Variants in CADM1 observed in about 807,000 individuals in gnomAD.
CADM1 encodes the protein cell adhesion molecule 1, also known as TSLC-1.
Under a neutral mutation model 53.1 loss-of-function variants are expected in CADM1, and 15 were observed. The ratio of observed to expected loss-of-function variants is 0.28; its 90% CI spans 0.19 to 0.44. The LOEUF is 0.44. Among genes scored for constraint, CADM1 ranks in the 20% least tolerant of loss-of-function variants. The pLI is 1.00. For synonymous variants in CADM1, 281 were observed against 243.0 expected (o/e 1.16, Z -1.45); for missense variants, 434 against 611.3 (o/e 0.71, Z 3.06).
At chr11:115,382,654 T>A (rs991273729) in intron 1 of CADM1, among the ~76,000 whole-genome samples, 1 of 152,154 alleles carries the variant, frequency 6.6e-6, no homozygotes, top group Non-Finnish European at 1.5e-5. Context: ...CTTTGAATTA[T>A]CCAGGAAATC....
intron 1 of CADM1, among the ~76,000 whole-genome samples, chr11:115,348,660 C>T (rs1945646705): frequency 6.6e-6 from 1 of 152,110 alleles, no homozygotes; most frequent in Non-Finnish European, 1.5e-5. Context: ...CTATGTTTTC[C>T]CCCATGTAGA....
At chr11:115,495,502 T>C (rs144543729) in intron 1 of CADM1, among the ~76,000 whole-genome samples, 18 of 152,334 alleles carry the variant, frequency 1.2e-4, no homozygotes, top group African/African-American at 3.8e-4. Flanking sequence ...ATAAAGGCTT[T>C]GAAAAGATCC....
At position 115,359,538 on chromosome 11, in the gene CADM1, G is replaced by A. The variant is rs186264094; in HGVS notation, c.125-119118C>T. Among the ~76,000 whole-genome samples the A allele has an allele frequency of 3.6e-3, 553 of 152,014 alleles. 5 individuals are homozygous for A. The highest frequency in any genetic ancestry group is 7.0e-3 in the Non-Finnish European group (474 of 67,964). ...ATTAGAAACTTCCTTAGAGAAATGG[G>A]TCCCACCGTGATTACAGTGACTCCT... On this transcript the variant is annotated intron_variant, in intron 1 of 11. Coordinates refer to ENST00000331581, the MANE Select transcript of CADM1 (RefSeq NM_001301043.2).
intron 1 of CADM1, among the ~76,000 whole-genome samples, chr11:115,451,408 C>T (rs973426894): frequency 1.2e-4 from 19 of 152,172 alleles, no homozygotes; most frequent in African/African-American, 4.1e-4. Flanking sequence ...TGAAGATACC[C>T]GTTAAAGCCA....
intron 9 of CADM1, 75 bp from the exon 10 acceptor site, chr11:115,191,016 G>C: frequency 1.6e-6 from 2 of 1,252,128 alleles, no homozygotes; most frequent in South Asian, 2.6e-5. Flanking sequence ...AACTGAGGAT[G>C]AATTTCTTTA....
intron 1 of CADM1, among the ~76,000 whole-genome samples, chr11:115,491,713 C>A (rs560055257): frequency 1.2e-4 from 18 of 152,286 alleles, no homozygotes; most frequent in Non-Finnish European, 1.8e-4. Context: ...AAATGTCTAT[C>A]AATGGTAGAC....
intron 1 of CADM1, among the ~76,000 whole-genome samples, chr11:115,282,189 C>T (rs543308012): frequency 2.6e-5 from 4 of 152,044 alleles, no homozygotes; most frequent in East Asian, 1.9e-4. Context: ...TTTTTGCTAT[C>T]GTCACAGTAA....
At chr11:115,338,276 T>C (rs1484134493) in intron 1 of CADM1, among the ~76,000 whole-genome samples, 1 of 152,194 alleles carries the variant, frequency 6.6e-6, no homozygotes, top group Non-Finnish European at 1.5e-5. Flanking sequence ...AAATATCTTT[T>C]ATAGACAAGA....
intron 1 of CADM1, among the ~76,000 whole-genome samples, chr11:115,306,072 C>CACACACACACACACACACACA (rs1555060496): frequency 7.7e-6 from 1 of 130,390 alleles, no homozygotes; most frequent in African/African-American, 2.9e-5. Flanking sequence ...AGGATATATA[C>CACACACACACACACACACACA]CACACACACA....
intron 1 of CADM1, among the ~76,000 whole-genome samples, chr11:115,317,611 A>C (rs1944703250): frequency 6.6e-6 from 1 of 152,160 alleles, no homozygotes; most frequent in African/African-American, 2.4e-5. Context: ...ACTGTTCTTC[A>C]TCATCAACTG....
intron 1 of CADM1, among the ~76,000 whole-genome samples, chr11:115,308,213 C>T (rs1337206315): frequency 0.014 from 556 of 40,782 alleles, 4 homozygotes; most frequent in African/African-American, 0.073. Context: ...TATATATATA[C>T]ACACCTATGA....
chr11:115,241,311 C>T (rs1565319254), intron 1 of CADM1, among the ~76,000 whole-genome samples: 1 of 152,270 alleles, frequency 6.6e-6, no homozygotes, highest in South Asian at 2.1e-4. Context: ...AGTAATTCTC[C>T]AGTGTTCAAT....
chr11:115,297,348 G>A (rs1406359755), intron 1 of CADM1, among the ~76,000 whole-genome samples: 1 of 152,218 alleles, frequency 6.6e-6, no homozygotes, highest in African/African-American at 2.4e-5. Flanking sequence ...ATGTTCAGCT[G>A]CATGATCAGG....
At chr11:115,483,599 C>T (rs184121220) in intron 1 of CADM1, among the ~76,000 whole-genome samples, 249 of 152,254 alleles carry the variant, frequency 1.6e-3, no homozygotes, top group Non-Finnish European at 2.7e-3. Flanking sequence ...ATAGCTCAGT[C>T]CAATGTTCAA....
intron 1 of CADM1, among the ~76,000 whole-genome samples, chr11:115,260,040 C>T (rs1301297905): frequency 6.6e-6 from 1 of 152,204 alleles, no homozygotes; most frequent in Admixed American, 6.5e-5. Context: ...AATCCTCCTG[C>T]CTCAGCCTCC....
At chr11:115,473,319 C>T (rs1469418815) in intron 1 of CADM1, among the ~76,000 whole-genome samples, 6 of 152,174 alleles carry the variant, frequency 3.9e-5, no homozygotes, top group African/African-American at 1.2e-4. Context: ...ATTCGCCAGG[C>T]GTGGTGGCAC....
rs564312095 is a variant in CADM1, at chr11:115,404,617, T to TA, written c.124+99653dup. On this transcript the variant is annotated intron_variant, in intron 1 of 11. Coordinates refer to ENST00000331581, the MANE Select transcript of CADM1 (RefSeq NM_001301043.2). ...AAACAAAAAATAACATAAATAAAAATAAAAAAAAACAAGCCATATACTTAA... is the reference window on the plus strand; with the variant it reads ...AAACAAAAAATAACATAAATAAAAATAAAAAAAAAACAAGCCATATACTTAA... Among the ~76,000 whole-genome samples, 197 of 146,450 alleles carry TA rather than the reference T, an allele frequency of 1.3e-3. No individual in the cohort carries two copies. In the South Asian group the frequency reaches 0.018, roughly 14 times the overall value.
At chr11:115,373,953 G>C (rs565642485) in intron 1 of CADM1, among the ~76,000 whole-genome samples, 9 of 152,154 alleles carry the variant, frequency 5.9e-5, no homozygotes, top group Non-Finnish European at 1.3e-4. Flanking sequence ...TCAAAATGGA[G>C]TCCTTATACA....
intron 5 of CADM1, among the ~76,000 whole-genome samples, chr11:115,223,973 A>AAAGAGAGAG (rs59495248): frequency 0.041 from 3,824 of 92,480 alleles, 155 homozygotes; most frequent in Admixed American, 0.11. Flanking sequence ...AAAAAAAAAA[A>AAAGAGAGAG]AGAGAGAGAG....
Sources: allele counts gnomAD v4.1 joint callset (sites outside exome capture counted in the v4.1 genomes callset), GRCh38; gene constraint gnomAD v4.1.1; transcripts MANE v1.5; gene names NCBI Gene and HGNC (gene_info 2026-07-23, HGNC 2026-07-21).